The following FAIM variants were observed in gnomAD, a reference collection of about 807,000 sequenced individuals.
FAIM encodes fas apoptotic inhibitory molecule 1.
Under a neutral mutation model 21.2 loss-of-function variants are expected in FAIM, and 14 were observed. The observed-to-expected ratio is 0.66, with a 90% CI of 0.44 to 1.03. FAIM has a LOEUF of 1.03. Ranked by LOEUF, FAIM falls within the 50% of genes least tolerant of loss-of-function variation. The pLI is 0.00. For synonymous variants in FAIM, 86 were observed against 80.4 expected (o/e 1.07, Z -0.37); for missense variants, 222 against 247.1 (o/e 0.90, Z 0.68).
chr3:138,618,719 A>G (rs2042854051), intron 1 of FAIM, among the ~76,000 whole-genome samples: 1 of 152,188 alleles, frequency 6.6e-6, no homozygotes. Flanking sequence ...CTGTTTCCAG[A>G]CAGAAAGGGT....
chr3:138,611,491 C>T (rs1161667440), intron 1 of FAIM, among the ~76,000 whole-genome samples: 1 of 152,058 alleles, frequency 6.6e-6, no homozygotes, highest in African/African-American at 2.4e-5. Context: ...ATCTATTTGC[C>T]AAACTTTTCA....
intron 5 of FAIM, chr3:138,630,965 C>T (rs2108359414): frequency 6.6e-6 from 1 of 151,930 alleles, no homozygotes; most frequent in Non-Finnish European, 1.5e-5. Context: ...TGGCGAAACC[C>T]CTCTCTACTA....
Position 138,610,685 on chromosome 3 carries a change from C to T in FAIM, c.-17+1748C>T, listed in dbSNP as rs1177057206. The T allele has an allele frequency of 3.4e-5, 9 of 267,756 alleles. No homozygotes were observed. In the East Asian group the frequency reaches 7.5e-4, roughly 22 times the overall value. 16.6% of individuals were successfully genotyped at this position (267,756 alleles called of 1,614,324 possible). On this transcript the variant is annotated intron_variant, in intron 1 of 5. Coordinates refer to ENST00000360570, the MANE Select transcript of FAIM (RefSeq NM_001033031.2). ...GCAACCTCCACCTCCCGGGTTCAAGCGATTCTTGTGCCTCAGCCTCCGGAG... is the reference window on the plus strand; with the variant it reads ...GCAACCTCCACCTCCCGGGTTCAAGTGATTCTTGTGCCTCAGCCTCCGGAG...
intron 4 of FAIM, among the ~76,000 whole-genome samples, chr3:138,625,710 T>C (rs2042932011): frequency 1.3e-5 from 2 of 152,168 alleles, no homozygotes; most frequent in African/African-American, 2.4e-5. Flanking sequence ...TGCCAGATAC[T>C]ATACTAGGCA....
Position 138,622,697 on chromosome 3 carries a change from C to A in FAIM, c.406+281C>A, listed in dbSNP as rs112374427. On this transcript the variant is annotated intron_variant, in intron 4 of 5. Transcript: ENST00000360570. The stretch of plus-strand genomic sequence containing the variant: ...CATTTTATATATAAGATATCTTAAG[C>A]CAGGTTTTATAGTGATGGATTTGAG... 3.5e-3 allele frequency among the ~76,000 whole-genome samples: 529 copies of A among 151,772 alleles called. 2 individuals carry two copies. The highest frequency in any genetic ancestry group is 0.012 in the African/African-American group (506 of 41,370).
chr3:138,625,426 G>T (rs2042929215), intron 4 of FAIM, among the ~76,000 whole-genome samples: 1 of 151,302 alleles, frequency 6.6e-6, no homozygotes, highest in Admixed American at 6.6e-5. Flanking sequence ...TTGCGCCACT[G>T]CACTCCAGCC....
chr3:138,609,960 T>C (rs1349100575), intron 1 of FAIM, among the ~76,000 whole-genome samples: 2 of 152,118 alleles, frequency 1.3e-5, no homozygotes, highest in African/African-American at 2.4e-5. Context: ...CTCCAGTAAG[T>C]AGCATTTGGG....
At position 138,621,392 on chromosome 3, in the gene FAIM, AT is replaced by A; in HGVS notation, c.45-11del. 1 of 1,612,608 alleles carries A rather than the reference AT, an allele frequency of 6.2e-7. No homozygotes were observed. The highest frequency in any genetic ancestry group is 1.1e-5 in the South Asian group (1 of 90,848). ...TATTTTGGCCTACTATAATTGCTTT[AT>A]TTTATTCCTTTAGCCCTCCTTACAG... On this transcript the variant is annotated splice_polypyrimidine_tract_variant and intron_variant, in intron 2 of 5. Coordinates refer to ENST00000360570, the MANE Select transcript of FAIM (RefSeq NM_001033031.2).
In FAIM at chr3:138,620,662, A is replaced by T. The variant is rs115584416; in HGVS notation, c.45-745A>T. On this transcript the variant is annotated intron_variant, in intron 2 of 5. Transcript: ENST00000360570. The stretch of plus-strand genomic sequence containing the variant: ...AGGCATGCGCCATCACGTGTGACTA[A>T]TATGTTTGTAGAGACAGGGTTTCAC... Among the ~76,000 whole-genome samples the T allele has an allele frequency of 9.5e-3, 1,439 of 152,076 alleles. 27 individuals carry two copies. The highest frequency in any genetic ancestry group is 0.033 in the African/African-American group (1,366 of 41,488).
Position 138,613,140 on chromosome 3 carries a change from G to A in FAIM, c.-17+4203G>A, listed in dbSNP as rs551637651. 4.6e-5 allele frequency among the ~76,000 whole-genome samples: 7 copies of A among 151,390 alleles called. No individual in the cohort carries two copies. In the South Asian group the frequency reaches 1.1e-3, roughly 23 times the overall value. On this transcript the variant is annotated intron_variant, in intron 1 of 5. Coordinates refer to ENST00000360570, the MANE Select transcript of FAIM (RefSeq NM_001033031.2). ...AGCGATTCTCCTGCCTCAGCCTCCC[G>A]AGTAGCTAGCTGGGATTACAGGTGC...
chr3:138,611,923 T>C (rs2042773378), intron 1 of FAIM, among the ~76,000 whole-genome samples: 1 of 152,184 alleles, frequency 6.6e-6, no homozygotes, highest in Admixed American at 6.5e-5. Context: ...TTTTTCTTTA[T>C]AAATTATGCA....
At chr3:138,630,087 G>A (rs2042989232) in intron 5 of FAIM, 1 of 152,168 alleles carries the variant, frequency 6.6e-6, no homozygotes, top group South Asian at 2.1e-4. Context: ...CTTTCATGCT[G>A]GCTCCAGATG....
At chr3:138,616,368 G>A (rs942031507) in intron 1 of FAIM, among the ~76,000 whole-genome samples, 7 of 152,084 alleles carry the variant, frequency 4.6e-5, no homozygotes, top group African/African-American at 1.2e-4. Context: ...GAATAATTTC[G>A]TTTGTTTTGT....
At chr3:138,617,748 T>C (rs2042842556) in intron 1 of FAIM, among the ~76,000 whole-genome samples, 1 of 145,286 alleles carries the variant, frequency 6.9e-6, no homozygotes, top group South Asian at 2.1e-4. Flanking sequence ...TGTGTGTATA[T>C]ATATATGTAT....
intron 1 of FAIM, among the ~76,000 whole-genome samples, chr3:138,616,866 A>G (rs2108339540): frequency 6.6e-6 from 1 of 152,292 alleles, no homozygotes; most frequent in Non-Finnish European, 1.5e-5. Context: ...AAGAAACATC[A>G]ATTTTGATAT....
At position 138,633,053 on chromosome 3, in the gene FAIM, A is replaced by G; in HGVS notation, c.580A>G (p.Arg194Gly). Residue 194 changes from arginine to glycine, a missense_variant, in exon 6 of 6, where the codon AGA (arginine) becomes GGA (glycine). By Grantham distance (125) the Arg-to-Gly change is moderately radical (BLOSUM62 -2). Coordinates refer to ENST00000360570, the MANE Select transcript of FAIM (RefSeq NM_001033031.2). ...GIIHTLIVDN[R>G]EIPEIAS The stretch of plus-strand genomic sequence containing the variant: ...TATTCATACTCTCATTGTGGATAAT[A>G]GAGAAATCCCAGAGATTGCAAGTTA... 2 of 1,613,314 alleles carry G rather than the reference A, an allele frequency of 1.2e-6. No homozygotes were observed. Among genetic ancestry groups the G allele is most frequent in the African/African-American group, 1.3e-5 (1 of 75,052 alleles).
intron 1 of FAIM, among the ~76,000 whole-genome samples, chr3:138,613,104 T>C (rs1429038477): frequency 1.3e-5 from 2 of 151,204 alleles, no homozygotes; most frequent in African/African-American, 4.9e-5. Flanking sequence ...AGCCTCCGCC[T>C]CCTGGGTTCA....
Position 138,621,431 on chromosome 3 carries a change from G to A in FAIM, c.69G>A (p.Met23Ile). The change falls in exon 3 of 6, where the codon ATG becomes ATA. Residue 23 changes from methionine to isoleucine, a missense_variant. Met to Ile is a conservative substitution (Grantham distance 10). Transcript: ENST00000360570. ...DESPPYSLEK[M>I]TDLVAVWDVA... is the part of the protein sequence containing the mutation. ...GCCCTCCTTACAGCCTAGAAAAAAT[G>A]ACAGATCTCGTAGCTGTTTGGGATG... The A allele has an allele frequency of 6.2e-7, 1 of 1,613,886 alleles. No individual in the cohort carries two copies. Among genetic ancestry groups the A allele is most frequent in the African/African-American group, 1.3e-5 (1 of 75,010 alleles).
chr3:138,622,180 T>C lies in FAIM; in HGVS notation c.178-8T>C, dbSNP rs765032026. On this transcript the variant is annotated splice_polypyrimidine_tract_variant and splice_region_variant and intron_variant, in intron 3 of 5. Transcript: ENST00000360570. ...ATTTGTTTCATATTTTTCTGTTTTA[T>C]TATGTAGGAAGAGATAAGAAAAGAG... The C allele has an allele frequency of 5.7e-6, 9 of 1,572,720 alleles. No individual in the cohort carries two copies. In the South Asian group the frequency reaches 1.1e-4, roughly 19 times the overall value.
Sources: allele counts gnomAD v4.1 joint callset (sites outside exome capture counted in the v4.1 genomes callset), GRCh38; gene constraint gnomAD v4.1.1; transcripts MANE v1.5; gene names NCBI Gene and HGNC (gene_info 2026-07-23, HGNC 2026-07-21).